Variants in POFUT1 observed in about 807,000 individuals in gnomAD.
POFUT1 encodes GDP-fucose protein O-fucosyltransferase 1.
In POFUT1, 16 loss-of-function variants were observed where a neutral mutation model predicts 42.4. The ratio of observed to expected loss-of-function variants is 0.38; its 90% confidence interval spans 0.26 to 0.57. The LOEUF (loss-of-function observed/expected upper bound fraction) is 0.57, where lower values mean the gene tolerates loss of function less well. POFUT1 is among the 20% of genes least tolerant of loss of function. The probability of loss-of-function intolerance (pLI) is 0.71; values close to 1 mark genes in which losing one functional copy is unlikely to be tolerated. For missense variants in POFUT1, 470 were observed against 504.6 expected (o/e 0.93, Z 0.66); for synonymous variants, 206 against 205.4 (o/e 1.00, Z -0.03).
At chr20:32,224,370 T>C (rs6141640) in intron 4 of POFUT1, among the ~76,000 whole-genome samples, 103,996 of 151,806 alleles carry the variant, frequency 0.69, 37,585 homozygotes, top group East Asian at 0.99. Flanking sequence ...CCAGCCTGGG[T>C]GACAGAGCAA....
intron 5 of POFUT1, among the ~76,000 whole-genome samples, chr20:32,229,392 C>T (rs2047430815): frequency 6.6e-6 from 1 of 152,174 alleles, no homozygotes; most frequent in African/African-American, 2.4e-5. Flanking sequence ...AGAATGTAAT[C>T]AAATTTACTA....
chr20:32,223,978 A>G (rs1432160529), intron 4 of POFUT1, among the ~76,000 whole-genome samples: 1 of 152,198 alleles, frequency 6.6e-6, no homozygotes, highest in East Asian at 1.9e-4. Context: ...AATGACAGTA[A>G]TACTTCCCTT....
At position 32,228,284 on chromosome 20, in the gene POFUT1, G is replaced by C; in HGVS notation, c.564G>C (p.Pro188=). 6.2e-7 allele frequency: 1 copy of C among 1,613,372 alleles called. No homozygotes were observed. Among genetic ancestry groups the C allele is most frequent in the Non-Finnish European group, 8.5e-7 (1 of 1,179,608 alleles). ...CTAGATTTTCTCCAAAGGAACATCC[G>C]GTGCTTGCCCTGCCAGGAGCCCCAG... is the stretch of plus-strand genomic sequence containing the variant. The part of the protein sequence containing the change: ...WSQRFSPKEH[P]VLALPGAPAQ... The change falls in exon 5 of 7, where the codon CCG becomes CCC. Residue 188 remains proline (P), a synonymous_variant. Coordinates refer to ENST00000375749, the MANE Select transcript of POFUT1 (RefSeq NM_015352.2).
intron 4 of POFUT1, chr20:32,217,714 G>T: frequency 1.0e-6 from 1 of 985,458 alleles, no homozygotes; most frequent in Non-Finnish European, 1.2e-6. Context: ...CAGCCAGCCA[G>T]TGTTGGCTGT....
At chr20:32,215,132 G>T in intron 2 of POFUT1, 137 bp from the exon 3 acceptor site, 1 of 568,614 alleles carries the variant, frequency 1.8e-6, no homozygotes, top group Non-Finnish European at 3.1e-6. Context: ...CAAGTGATCC[G>T]CCCGCCTTAT....
intron 5 of POFUT1, among the ~76,000 whole-genome samples, chr20:32,230,059 C>T (rs949583859): frequency 2.0e-5 from 3 of 151,836 alleles, no homozygotes; most frequent in African/African-American, 4.8e-5. Flanking sequence ...ATTACAGGTG[C>T]GAGGCACTGC....
intron 6 of POFUT1, 117 bp downstream of exon 6, chr20:32,231,178 C>G (rs2047441875): frequency 8.8e-7 from 1 of 1,136,132 alleles, no homozygotes. Context: ...CCTGGACCTA[C>G]CATTCCTCTT....
chr20:32,227,403 C>G (rs1247996337), intron 4 of POFUT1, among the ~76,000 whole-genome samples: 1 of 152,054 alleles, frequency 6.6e-6, no homozygotes, highest in African/African-American at 2.4e-5. Flanking sequence ...ATCTGTAGTC[C>G]CAGCTACTCA....
At chr20:32,212,612 C>T (rs897241363) in intron 2 of POFUT1, among the ~76,000 whole-genome samples, 1 of 152,130 alleles carries the variant, frequency 6.6e-6, no homozygotes, top group Admixed American at 6.6e-5. Flanking sequence ...TGAAGAGTCT[C>T]GCTCTGTCAC....
chr20:32,231,109 G>T (rs1449236181), intron 6 of POFUT1, 48 bp downstream of exon 6: 1 of 1,607,836 alleles, frequency 6.2e-7, no homozygotes, highest in Non-Finnish European at 8.5e-7. Context: ...ATGAAAGGAG[G>T]AGCCAGGATG....
chr20:32,219,642 G>A (rs544086816), intron 4 of POFUT1, among the ~76,000 whole-genome samples: 30 of 151,570 alleles, frequency 2.0e-4, no homozygotes, highest in East Asian at 3.9e-4. Context: ...GACTACAGGC[G>A]CCCGCCACCA....
intron 6 of POFUT1, chr20:32,231,383 C>T (rs2122602169): frequency 8.7e-6 from 3 of 344,632 alleles, no homozygotes; most frequent in South Asian, 7.4e-5. Flanking sequence ...GCTGTGGGCT[C>T]CTTGAAGGCA....
At position 32,207,924 on chromosome 20, in the gene POFUT1, T is replaced by C. The variant is rs1282714856; in HGVS notation, c.-18T>C. The C allele has an allele frequency of 6.3e-7, 1 of 1,575,646 alleles. No homozygotes were observed. The highest frequency in any genetic ancestry group is 8.5e-7 in the Non-Finnish European group (1 of 1,169,904). On this transcript the variant is annotated 5_prime_UTR_variant, in exon 1 of 7. Coordinates refer to ENST00000375749, the MANE Select transcript of POFUT1 (RefSeq NM_015352.2). ...TCCCCGACTGTGCGCCGCGGCTGGC[T>C]CGGGTTCCCGGGCCGACATGGGCGC...
At chr20:32,222,622 C>T (rs780791183) in intron 4 of POFUT1, 53 of 985,260 alleles carry the variant, frequency 5.4e-5, no homozygotes, top group Non-Finnish European at 6.3e-5. Flanking sequence ...TAAGAAGTGT[C>T]TTTATTTTAG....
chr20:32,217,824 GC>G, intron 4 of POFUT1: 1 of 829,718 alleles, frequency 1.2e-6, no homozygotes, highest in Non-Finnish European at 1.5e-6. Flanking sequence ...AGGAAACTGA[GC>G]CCAGTGAAGT....
intron 2 of POFUT1, among the ~76,000 whole-genome samples, chr20:32,213,319 C>T (rs113280909): frequency 0.058 from 8,810 of 151,590 alleles, 909 homozygotes; most frequent in African/African-American, 0.2. Context: ...AGCTGGGCGT[C>T]GTGGCGCCCG....
Position 32,212,608 on chromosome 20 carries a change from G to A in POFUT1, c.246+2416G>A, listed in dbSNP as rs185379669. ...GTTTGTTTTTCATTTTTGATGAAGAGTCTCGCTCTGTCACCTAGGCTGAAG... is the reference window on the plus strand; with the variant it reads ...GTTTGTTTTTCATTTTTGATGAAGAATCTCGCTCTGTCACCTAGGCTGAAG... On this transcript the variant is annotated intron_variant, in intron 2 of 6. Coordinates refer to ENST00000375749, the MANE Select transcript of POFUT1 (RefSeq NM_015352.2). Among the ~76,000 whole-genome samples, 11 of 152,184 alleles carry A rather than the reference G, an allele frequency of 7.2e-5. No individual in the cohort carries two copies. In the East Asian group the frequency reaches 7.7e-4, roughly 11 times the overall value.
At chr20:32,222,124 C>T (rs566214431) in intron 4 of POFUT1, among the ~76,000 whole-genome samples, 19 of 151,962 alleles carry the variant, frequency 1.3e-4, no homozygotes, top group Admixed American at 3.9e-4. Context: ...ATGGTGAAAC[C>T]CTGTCTCTAC....
At chr20:32,227,896 A>G (rs1029314993) in intron 4 of POFUT1, among the ~76,000 whole-genome samples, 29 of 152,268 alleles carry the variant, frequency 1.9e-4, no homozygotes, top group African/African-American at 6.7e-4. Context: ...CCTGCCATGT[A>G]GGTAAAAGGG....
Sources: gnomAD v4.1 joint callset for allele counts (sites outside exome capture counted in the v4.1 genomes callset) on GRCh38, gnomAD v4.1.1 for gene constraint, MANE v1.5 for transcripts, NCBI Gene and HGNC (gene_info 2026-07-23, HGNC 2026-07-21) for gene names.